Variants in CTNND2 observed in about 807,000 individuals in gnomAD.
The protein encoded by CTNND2 is catenin delta 2.
A neutral mutation model predicts 144.4 loss-of-function variants in CTNND2; 22 were observed. The ratio of observed to expected loss-of-function variants is 0.15; its 90% CI spans 0.11 to 0.22. The LOEUF is 0.22. Ranked by LOEUF, CTNND2 falls within the 10% of genes least tolerant of loss-of-function variation. The pLI, the probability that CTNND2 is intolerant of heterozygous loss-of-function variation, is 1.00. For missense variants in CTNND2, 1,353 were observed against 1,618.8 expected (o/e 0.84, Z 2.82); for synonymous variants, 751 against 695.6 (o/e 1.08, Z -1.25).
chr5:11,802,274 A>C (rs1051424501), intron 1 of CTNND2, among the ~76,000 whole-genome samples: 4 of 151,048 alleles, frequency 2.6e-5, no homozygotes, highest in Non-Finnish European at 5.9e-5. Flanking sequence ...TCTGTCTTAA[A>C]AAAAAAAAAA....
At chr5:11,688,924 G>A (rs73743024) in intron 2 of CTNND2, among the ~76,000 whole-genome samples, 1,797 of 152,304 alleles carry the variant, frequency 0.012, 27 homozygotes, top group African/African-American at 0.042. Context: ...GATCACAGAC[G>A]GAGTTGCCCT....
intron 3 of CTNND2, among the ~76,000 whole-genome samples, chr5:11,547,746 T>C (rs1775370156): frequency 6.6e-6 from 1 of 152,192 alleles, no homozygotes; most frequent in Non-Finnish European, 1.5e-5. Flanking sequence ...AGGAAAATGT[T>C]AAGTTTTGCT....
chr5:11,665,512 A>C (rs1040351429), intron 2 of CTNND2, among the ~76,000 whole-genome samples: 2 of 152,208 alleles, frequency 1.3e-5, no homozygotes, highest in African/African-American at 4.8e-5. Context: ...TGAGGAGAAA[A>C]TAGACTAAGT....
At chr5:11,787,296 A>G (rs1360838798) in intron 1 of CTNND2, among the ~76,000 whole-genome samples, 1 of 152,234 alleles carries the variant, frequency 6.6e-6, no homozygotes, top group Non-Finnish European at 1.5e-5. Flanking sequence ...GATATACTAA[A>G]TGTCTCCAAT....
chr5:11,464,404 G>C (rs1480277067), intron 3 of CTNND2, among the ~76,000 whole-genome samples: 6 of 152,144 alleles, frequency 3.9e-5, no homozygotes, highest in African/African-American at 1.4e-4. Context: ...AAGGGAGCCT[G>C]CAATGTTCTC....
intron 15 of CTNND2, among the ~76,000 whole-genome samples, chr5:11,086,624 G>A (rs1162923355): frequency 6.6e-6 from 1 of 152,202 alleles, no homozygotes; most frequent in Non-Finnish European, 1.5e-5. Context: ...TTGCACACAA[G>A]TTTGTGTCCC....
rs145397036 is a variant in CTNND2 at position 11,866,774 on chromosome 5, G to A, written c.37+37043C>T. Among the ~76,000 whole-genome samples the A allele has an allele frequency of 3.0e-3, 455 of 152,308 alleles. 8 individuals carry two copies. The Middle Eastern group carries it at 0.034, about 11-fold the overall frequency. On this transcript the variant is annotated intron_variant, in intron 1 of 21. Coordinates refer to ENST00000304623, the MANE Select transcript of CTNND2 (RefSeq NM_001332.4). ...CTGCTCATGCAAAATAACGCACAGGGAGAAAGAGAAATCACATGCCATTAG... is the reference window on the plus strand; with the variant it reads ...CTGCTCATGCAAAATAACGCACAGGAAGAAAGAGAAATCACATGCCATTAG...
At chr5:11,877,068 T>TA (rs1193766643) in intron 1 of CTNND2, among the ~76,000 whole-genome samples, 8 of 152,196 alleles carry the variant, frequency 5.3e-5, no homozygotes, top group Non-Finnish European at 1.2e-4. Flanking sequence ...TGTTAGCAGA[T>TA]ATTCTTTTAT....
At chr5:11,875,140 A>G (rs1161512407) in intron 1 of CTNND2, among the ~76,000 whole-genome samples, 1 of 152,218 alleles carries the variant, frequency 6.6e-6, no homozygotes, top group Non-Finnish European at 1.5e-5. Flanking sequence ...TCCCTTCAGA[A>G]GCAAAGGTTT....
chr5:11,862,850 C>T (rs957442414), intron 1 of CTNND2, among the ~76,000 whole-genome samples: 1 of 152,112 alleles, frequency 6.6e-6, no homozygotes. Flanking sequence ...AAAACAAGCA[C>T]TATATTAAAC....
At chr5:11,817,555 G>A (rs932966302) in intron 1 of CTNND2, among the ~76,000 whole-genome samples, 3 of 151,844 alleles carry the variant, frequency 2.0e-5, no homozygotes, top group East Asian at 1.9e-4. Flanking sequence ...GAGGGAAGGA[G>A]AAAGGTAGTG....
chr5:11,593,718 C>T (rs1282494986), intron 2 of CTNND2, among the ~76,000 whole-genome samples: 1 of 152,186 alleles, frequency 6.6e-6, no homozygotes, highest in Non-Finnish European at 1.5e-5. Context: ...GATTGTGAGG[C>T]CTCCCCACCC....
At chr5:11,043,178 CA>C (rs1424907741) in intron 16 of CTNND2, among the ~76,000 whole-genome samples, 1 of 151,528 alleles carries the variant, frequency 6.6e-6, no homozygotes. Context: ...CATGAGAACC[CA>C]AAGATACTTA....
chr5:11,076,645 C>A (rs943042644), intron 16 of CTNND2, among the ~76,000 whole-genome samples: 4 of 152,166 alleles, frequency 2.6e-5, no homozygotes, highest in Admixed American at 1.3e-4. Flanking sequence ...CAGAGACATA[C>A]ACATAACTAT....
At chr5:11,390,504 T>C (rs186457049) in intron 6 of CTNND2, among the ~76,000 whole-genome samples, 1 of 152,336 alleles carries the variant, frequency 6.6e-6, no homozygotes, top group Admixed American at 6.5e-5. Flanking sequence ...CCTGACAGCC[T>C]GTAATCTCTA....
intron 1 of CTNND2, among the ~76,000 whole-genome samples, chr5:11,764,184 C>T (rs554805339): frequency 3.3e-5 from 5 of 152,192 alleles, no homozygotes; most frequent in South Asian, 2.1e-4. Context: ...GAAGGGTCCA[C>T]GAGCCAAGGA....
chr5:11,057,982 T>G (rs1302527457), intron 16 of CTNND2, among the ~76,000 whole-genome samples: 1 of 152,186 alleles, frequency 6.6e-6, no homozygotes, highest in Non-Finnish European at 1.5e-5. Flanking sequence ...ATTTAAGGTA[T>G]CTGGTGGAAG....
chr5:11,635,644 A>C (rs909986129), intron 2 of CTNND2, among the ~76,000 whole-genome samples: 2 of 152,212 alleles, frequency 1.3e-5, no homozygotes, highest in Non-Finnish European at 2.9e-5. Flanking sequence ...TAACATTCTA[A>C]CATTGTTTCC....
chr5:11,406,418 T>C (rs1761110177), intron 5 of CTNND2, among the ~76,000 whole-genome samples: 1 of 152,184 alleles, frequency 6.6e-6, no homozygotes, highest in Admixed American at 6.5e-5. Context: ...TTTGAGCCAA[T>C]TTGATTAATG....
Sources: allele counts gnomAD v4.1 joint callset (sites outside exome capture counted in the v4.1 genomes callset), GRCh38; gene constraint gnomAD v4.1.1; transcripts MANE v1.5; gene names NCBI Gene and HGNC (gene_info 2026-07-23, HGNC 2026-07-21).